CLIP1: variants seen among roughly 807,000 people sequenced by gnomAD.
CLIP1 encodes the protein CAP-Gly domain containing linker protein 1, also known as CAP-Gly domain-containing linker protein 1.
CLIP1 carries 66 observed loss-of-function variants against 161.6 expected under a neutral mutation model. The observed-to-expected ratio is 0.41, with a 90% CI of 0.33 to 0.50. The LOEUF is 0.50. CLIP1 is among the 20% of genes least tolerant of loss of function. The probability of loss-of-function intolerance (pLI) is 0.27; values close to 1 mark genes in which losing one functional copy is unlikely to be tolerated. For synonymous variants in CLIP1, 598 were observed against 626.2 expected (o/e 0.96, Z 0.67); for missense variants, 1,376 against 1,702.0 (o/e 0.81, Z 3.37).
intron 20 of CLIP1, among the ~76,000 whole-genome samples, chr12:122,289,738 A>T (rs994961764): frequency 2.0e-5 from 3 of 152,140 alleles, no homozygotes; most frequent in Non-Finnish European, 2.9e-5. Flanking sequence ...AGGAGGAATC[A>T]TCTCTACCTC....
chr12:122,362,046 C>G (rs1160628243), intron 4 of CLIP1, among the ~76,000 whole-genome samples: 6 of 151,736 alleles, frequency 4.0e-5, no homozygotes, highest in African/African-American at 1.5e-4. Context: ...CTCCGCCTCC[C>G]AGGTTCAAGC....
At chr12:122,328,459 T>C (rs1951796161) in intron 15 of CLIP1, 33 bp from the exon 16 acceptor site, 8 of 1,365,160 alleles carry the variant, frequency 5.9e-6, no homozygotes, top group Non-Finnish European at 7.9e-6. Context: ...GTGTCAGATT[T>C]TTCATAAGAA....
At chr12:122,364,751 C>T (rs1455555847) in intron 3 of CLIP1, 7 of 667,674 alleles carry the variant, frequency 1.0e-5, no homozygotes, top group African/African-American at 1.8e-5. Flanking sequence ...GCCTTTCGGC[C>T]GGAACCGCCA....
intron 7 of CLIP1, 28 bp from the exon 8 acceptor site, chr12:122,352,814 T>C (rs1485796875): frequency 6.3e-7 from 1 of 1,585,766 alleles, no homozygotes. Context: ...AACAAAACAC[T>C]TAAGAAACTA....
At chr12:122,403,630 T>C (rs978760605) in intron 1 of CLIP1, among the ~76,000 whole-genome samples, 1 of 150,790 alleles carries the variant, frequency 6.6e-6, no homozygotes, top group Non-Finnish European at 1.5e-5. Context: ...GCGATTCTCC[T>C]GCCTCAGCCT....
chr12:122,384,052 A>T (rs1045910946), intron 1 of CLIP1, among the ~76,000 whole-genome samples: 31 of 152,212 alleles, frequency 2.0e-4, no homozygotes, highest in Non-Finnish European at 4.4e-5. Context: ...GAGCATTACA[A>T]TACTATGAAT....
intron 1 of CLIP1, among the ~76,000 whole-genome samples, chr12:122,389,758 CAAAA>C (rs57168188): frequency 6.6e-4 from 46 of 69,296 alleles, no homozygotes; most frequent in South Asian, 4.2e-3. Flanking sequence ...GATCCTGTCT[CAAAA>C]AAAAAAAAAA....
intron 1 of CLIP1, among the ~76,000 whole-genome samples, chr12:122,403,652 G>A (rs182630483): frequency 9.2e-5 from 14 of 151,770 alleles, no homozygotes; most frequent in Admixed American, 4.6e-4. Flanking sequence ...CTGAGTAGCT[G>A]GTATTACAGG....
intron 10 of CLIP1, chr12:122,343,183 C>G (rs889701085): frequency 6.7e-6 from 1 of 149,802 alleles, no homozygotes; most frequent in African/African-American, 2.5e-5. Flanking sequence ...TTTCGTTGCC[C>G]AGTGCAATGG....
At position 122,377,550 on chromosome 12, in the gene CLIP1, T is replaced by C. The variant is rs1008856288; in HGVS notation, c.496A>G (p.Asn166Asp). The C allele has an allele frequency of 1.2e-6, 2 of 1,613,920 alleles. No homozygotes were observed. The highest frequency in any genetic ancestry group is 1.7e-6 in the Non-Finnish European group (2 of 1,180,006). ...MVSSSPSTPS[N>D]IPQKPSQPAA... Reference sequence around the variant, plus strand: ...GGCTGTGATGGTTTCTGAGGGATGTTTGAAGGGGTGGAGGGGGAGGAAGAC... The same window carrying C: ...GGCTGTGATGGTTTCTGAGGGATGTCTGAAGGGGTGGAGGGGGAGGAAGAC... The change falls in exon 3 of 26, where the codon AAC (asparagine) becomes GAC (aspartate). Residue 166 changes from asparagine to aspartate, a missense_variant. Asn to Asp is a conservative substitution (Grantham distance 23). Around this residue, in one of 6 missense-constraint regions of CLIP1, gnomAD observed 119 missense variants for 112.0 expected, o/e 1.06. Transcript: ENST00000620786.
chr12:122,288,659 C>T lies in CLIP1; in HGVS notation c.3595-118G>A. 1.3e-5 allele frequency: 10 copies of T among 769,258 alleles called. No homozygotes were observed. The South Asian group carries it at 1.5e-4, about 12-fold the overall frequency. 47.7% of individuals were successfully genotyped at this position (769,258 alleles called of 1,614,324 possible). A position where few individuals can be genotyped will look rare whatever the true frequency, so the allele number is the denominator to read the frequency against. On this transcript the variant is annotated intron_variant, in intron 20 of 25. Coordinates refer to ENST00000620786, the MANE Select transcript of CLIP1 (RefSeq NM_001247997.2). Reference sequence around the variant, plus strand: ...AGCTAAAGCCATTGGCTTTCCTCAACAGCAATGAAGAGGGACAAGTGGTCA... The same window carrying T: ...AGCTAAAGCCATTGGCTTTCCTCAATAGCAATGAAGAGGGACAAGTGGTCA...
intron 1 of CLIP1, among the ~76,000 whole-genome samples, chr12:122,413,781 A>T (rs987293363): frequency 2.0e-5 from 3 of 152,106 alleles, no homozygotes; most frequent in Non-Finnish European, 2.9e-5. Context: ...TTGTTGCTGA[A>T]CCACAATAAA....
At chr12:122,396,284 G>A (rs1430736786) in intron 1 of CLIP1, among the ~76,000 whole-genome samples, 1 of 152,224 alleles carries the variant, frequency 6.6e-6, no homozygotes, top group South Asian at 2.1e-4. Flanking sequence ...TTTTGAAAAT[G>A]CCAGAAGAAT....
rs560646371 is a variant in CLIP1 at position 122,385,700 on chromosome 12, G to GGCTGCAGGA, written c.-106-5151_-106-5143dup. ...GAAGAGAATGAAGTCAGTGGATGTC[G>GGCTGCAGGA]GCTGCAGGAGGGGTAACAGGTGGCA... On this transcript the variant is annotated intron_variant, in intron 1 of 25. Transcript: ENST00000620786. Among the ~76,000 whole-genome samples, 95 of 152,232 alleles carry GGCTGCAGGA rather than the reference G, an allele frequency of 6.2e-4. No homozygotes were observed. The South Asian group carries it at 0.019, about 30-fold the overall frequency.
intron 1 of CLIP1, chr12:122,399,206 C>T (rs1465779394): frequency 1.3e-5 from 2 of 152,200 alleles, no homozygotes; most frequent in African/African-American, 4.8e-5. Flanking sequence ...CTGAACAACT[C>T]ACATAACCCC....
At chr12:122,275,754 C>T (rs1592952393) in intron 24 of CLIP1, 1 of 152,252 alleles carries the variant, frequency 6.6e-6, no homozygotes, top group South Asian at 2.1e-4. Flanking sequence ...TTGAAAAAGT[C>T]ACATGGAAAT....
chr12:122,419,677 T>C (rs566090684), intron 1 of CLIP1, among the ~76,000 whole-genome samples: 1 of 152,130 alleles, frequency 6.6e-6, no homozygotes, highest in South Asian at 2.1e-4. Flanking sequence ...GGCTCATGCC[T>C]GTAATCCCAG....
In CLIP1 at chr12:122,341,082, T is replaced by G. The variant is rs751264671; in HGVS notation, c.2122A>C (p.Asn708His). 10 of 1,613,730 alleles carry G rather than the reference T, an allele frequency of 6.2e-6. No individual in the cohort carries two copies. In the East Asian group the frequency reaches 2.2e-4, roughly 36 times the overall value. The change falls in exon 11 of 26, where the codon AAC becomes CAC. Residue 708 changes from asparagine (N) to histidine (H), a missense_variant. By Grantham distance (68) the Asn-to-His change is moderately conservative (BLOSUM62 1). Transcript: ENST00000620786. The part of the protein sequence containing the change: ...KLMKVIKEKE[N>H]SLEAIRSKLD... The stretch of plus-strand genomic sequence containing the variant: ...TTCGACCTGATGGCTTCCAGACTGT[T>G]TTCCTTTTCTTTAATAACTTTCATC...
At chr12:122,305,305 C>A (rs1485283380) in intron 20 of CLIP1, among the ~76,000 whole-genome samples, 8 of 152,134 alleles carry the variant, frequency 5.3e-5, no homozygotes, top group African/African-American at 1.9e-4. Flanking sequence ...GTAGACTATA[C>A]CTATAGTCCC....
Sources: allele counts gnomAD v4.1 joint callset (sites outside exome capture counted in the v4.1 genomes callset), GRCh38; gene constraint gnomAD v4.1.1; regional missense constraint gnomAD v4.1.1; transcripts MANE v1.5; gene names NCBI Gene and HGNC (gene_info 2026-07-23, HGNC 2026-07-21).